Variants in NALCN observed in about 807,000 individuals in gnomAD.
The protein encoded by NALCN is sodium leak channel NALCN.
In NALCN, 111 loss-of-function variants were observed where a neutral mutation model predicts 225.3. That is an observed-to-expected ratio of 0.49 (90% CI 0.42 to 0.58). The LOEUF is 0.58. Ranked by LOEUF, NALCN falls within the 20% of genes least tolerant of loss-of-function variation. NALCN has a pLI of 0.00. For synonymous variants in NALCN, 764 were observed against 769.0 expected (o/e 0.99, Z 0.11); for missense variants, 1,378 against 2,202.4 (o/e 0.63, Z 7.49).
chr13:101,393,881 A>T (rs2047211876), intron 3 of NALCN, among the ~76,000 whole-genome samples: 1 of 152,098 alleles, frequency 6.6e-6, no homozygotes, highest in Non-Finnish European at 1.5e-5. Flanking sequence ...AACCAACCAT[A>T]AAAAAAATTT....
In NALCN at chr13:101,069,245, A is replaced by G. The variant is rs77459864; in HGVS notation, c.4198-418T>C. 1.8e-4 allele frequency among the ~76,000 whole-genome samples: 27 copies of G among 152,360 alleles called. No homozygotes were observed. The East Asian group carries it at 5.0e-3, about 28-fold the overall frequency. ...TATAGACTCTACAGGTATACCTCGG[A>G]GACATTGCAGTTTCAGTTCCAGACT... On this transcript the variant is annotated intron_variant, in intron 37 of 43. Transcript: ENST00000251127.
chr13:101,234,088 T>C (rs755261890), intron 12 of NALCN, among the ~76,000 whole-genome samples: 1 of 152,226 alleles, frequency 6.6e-6, no homozygotes, highest in South Asian at 2.1e-4. Context: ...AGGGCTTCTA[T>C]GAACAACTAA....
intron 27 of NALCN, among the ~76,000 whole-genome samples, chr13:101,096,318 C>T (rs1330747375): frequency 6.6e-6 from 1 of 152,250 alleles, no homozygotes; most frequent in South Asian, 2.1e-4. Context: ...TGGAAACAAT[C>T]CAGATGTCCA....
Position 101,169,487 on chromosome 13 carries a change from C to A in NALCN, c.1839+6813G>T, listed in dbSNP as rs149125203. On this transcript the variant is annotated intron_variant, in intron 15 of 43. Coordinates refer to ENST00000251127, the MANE Select transcript of NALCN (RefSeq NM_052867.4). ...TATGTATTTAAATCACACAACCTTT[C>A]TCGCCTCCCTCTCCATCCTGATTCC... Among the ~76,000 whole-genome samples, 8 of 152,288 alleles carry A rather than the reference C, an allele frequency of 5.3e-5. 1 individual carries two copies. In the East Asian group the frequency reaches 1.5e-3, roughly 29 times the overall value.
intron 14 of NALCN, among the ~76,000 whole-genome samples, chr13:101,183,838 T>C (rs1291674008): frequency 6.6e-6 from 1 of 152,158 alleles, no homozygotes; most frequent in East Asian, 1.9e-4. Context: ...GGAAAAAGGC[T>C]AATGACACCA....
intron 13 of NALCN, 30 bp downstream of exon 13, chr13:101,229,363 T>A (rs1341083036): frequency 1.3e-6 from 2 of 1,491,554 alleles, no homozygotes; most frequent in Non-Finnish European, 1.8e-6. Flanking sequence ...GAACAATGAA[T>A]TTAACTTACT....
chr13:101,113,301 T>C (rs968352418), intron 18 of NALCN, among the ~76,000 whole-genome samples: 1 of 152,038 alleles, frequency 6.6e-6, no homozygotes, highest in African/African-American at 2.4e-5. Flanking sequence ...AGCAAGGCAA[T>C]GGGAAGGAAG....
chr13:101,072,573 C>T (rs563189031), intron 37 of NALCN, among the ~76,000 whole-genome samples: 87 of 152,160 alleles, frequency 5.7e-4, no homozygotes, highest in African/African-American at 2.0e-3. Context: ...TTAAATTTTG[C>T]CTTGTATTCT....
At chr13:101,413,445 G>T (rs2047844457) in intron 1 of NALCN, among the ~76,000 whole-genome samples, 1 of 152,018 alleles carries the variant, frequency 6.6e-6, no homozygotes, top group Non-Finnish European at 1.5e-5. Flanking sequence ...AATGATAGAG[G>T]TATGGTTAAA....
At chr13:101,193,927 C>G (rs1217019752) in intron 13 of NALCN, among the ~76,000 whole-genome samples, 1 of 152,082 alleles carries the variant, frequency 6.6e-6, no homozygotes, top group Admixed American at 6.6e-5. Flanking sequence ...GGAGATTCAA[C>G]AGCAATAGGT....
intron 6 of NALCN, among the ~76,000 whole-genome samples, chr13:101,356,481 C>T (rs771070838): frequency 1.3e-5 from 2 of 151,150 alleles, no homozygotes; most frequent in Non-Finnish European, 3.0e-5. Flanking sequence ...CACGCACCCT[C>T]CCAAGAAGTT....
At chr13:101,320,774 TA>T (rs1293876372) in intron 7 of NALCN, among the ~76,000 whole-genome samples, 1 of 152,164 alleles carries the variant, frequency 6.6e-6, no homozygotes, top group Non-Finnish European at 1.5e-5. Flanking sequence ...ACTCGCCTAT[TA>T]TTTTTTTGTT....
intron 7 of NALCN, among the ~76,000 whole-genome samples, chr13:101,317,690 G>T (rs1760232): frequency 0.41 from 61,870 of 151,732 alleles, 12,935 homozygotes; most frequent in Middle Eastern, 0.47. Flanking sequence ...CTCTCTTCCT[G>T]TTCTTTCACA....
At chr13:101,141,200 A>G (rs933896971) in intron 17 of NALCN, among the ~76,000 whole-genome samples, 2 of 152,128 alleles carry the variant, frequency 1.3e-5, no homozygotes, top group Admixed American at 1.3e-4. Context: ...AATTTCCCTG[A>G]GCAAATATCT....
At chr13:101,318,699 A>G (rs1428192253) in intron 7 of NALCN, among the ~76,000 whole-genome samples, 1 of 152,230 alleles carries the variant, frequency 6.6e-6, no homozygotes, top group Non-Finnish European at 1.5e-5. Flanking sequence ...CACCCCAGGG[A>G]ACTTTTCAAG....
intron 6 of NALCN, among the ~76,000 whole-genome samples, chr13:101,358,917 C>T (rs1336194107): frequency 6.6e-6 from 1 of 151,546 alleles, no homozygotes; most frequent in African/African-American, 2.4e-5. Context: ...AGCTGGAAGC[C>T]ATCACCTTCA....
At chr13:101,064,981 A>T (rs2032248906) in intron 40 of NALCN, among the ~76,000 whole-genome samples, 1 of 152,196 alleles carries the variant, frequency 6.6e-6, no homozygotes, top group Non-Finnish European at 1.5e-5. Flanking sequence ...GCAAATTCTC[A>T]TCAGACCCAT....
intron 15 of NALCN, among the ~76,000 whole-genome samples, chr13:101,157,738 A>AGG (rs1168251506): frequency 6.8e-5 from 10 of 147,076 alleles, no homozygotes; most frequent in African/African-American, 2.5e-4. Flanking sequence ...TGAGCTAGGG[A>AGG]GGGGACATGG....
At chr13:101,275,258 G>A (rs1295822769) in intron 10 of NALCN, among the ~76,000 whole-genome samples, 1 of 152,156 alleles carries the variant, frequency 6.6e-6, no homozygotes, top group Non-Finnish European at 1.5e-5. Flanking sequence ...TATGCAAGGA[G>A]AGAAACAAAC....
Sources: allele counts gnomAD v4.1 joint callset (sites outside exome capture counted in the v4.1 genomes callset), GRCh38; gene constraint gnomAD v4.1.1; transcripts MANE v1.5; gene names NCBI Gene and HGNC (gene_info 2026-07-23, HGNC 2026-07-21).